The following COA1 variants were observed in gnomAD, a reference collection of about 807,000 sequenced individuals.
The protein encoded by COA1 is cytochrome c oxidase assembly factor 1 homolog.
COA1 carries 13 observed loss-of-function variants against 16.0 expected under a neutral mutation model. The ratio of observed to expected loss-of-function variants is 0.81; its 90% CI spans 0.53 to 1.29. The LOEUF is 1.29. Among genes scored for constraint, COA1 ranks in the 50% most tolerant of loss-of-function variants. The pLI, the probability that COA1 is intolerant of heterozygous loss-of-function variation, is 0.00. For synonymous variants in COA1, 65 were observed against 65.7 expected, an observed-to-expected ratio of 0.99 and a Z score of 0.05; for missense variants, 179 against 177.0, an observed-to-expected ratio of 1.01 and a Z score of -0.06.
intron 1 of COA1, among the ~76,000 whole-genome samples, chr7:43,685,263 A>C (rs2093970375): frequency 6.6e-6 from 1 of 152,126 alleles, no homozygotes; most frequent in South Asian, 2.1e-4. Flanking sequence ...AATCATTGTA[A>C]ATGCTCTGGA....
intron 1 of COA1, among the ~76,000 whole-genome samples, chr7:43,690,620 C>T (rs1357201170): frequency 6.6e-6 from 1 of 152,084 alleles, no homozygotes; most frequent in Non-Finnish European, 1.5e-5. Context: ...TATGTTCTCA[C>T]TCATATGTGG....
chr7:43,614,975 G>A (rs886421542), intron 6 of COA1, among the ~76,000 whole-genome samples: 1 of 152,172 alleles, frequency 6.6e-6, no homozygotes, highest in African/African-American at 2.4e-5. Context: ...AACATTCATA[G>A]AATGTACATG....
intron 1 of COA1, among the ~76,000 whole-genome samples, chr7:43,680,550 CTA>C (rs1254746100): frequency 6.6e-6 from 1 of 152,158 alleles, no homozygotes; most frequent in Non-Finnish European, 1.5e-5. Flanking sequence ...GTTTTTAAAT[CTA>C]TGAGTTTTTC....
At chr7:43,708,012 T>C (rs564596479) in intron 1 of COA1, among the ~76,000 whole-genome samples, 37 of 152,328 alleles carry the variant, frequency 2.4e-4, no homozygotes, top group Non-Finnish European at 3.7e-4. Context: ...ACTTCCAGCC[T>C]GACCAACATG....
intron 6 of COA1, among the ~76,000 whole-genome samples, chr7:43,621,540 C>T (rs1034607593): frequency 6.6e-6 from 1 of 152,146 alleles, no homozygotes; most frequent in Admixed American, 6.5e-5. Context: ...TGCAGTGGCA[C>T]CATCATAGCT....
rs1315381879 is a variant in COA1 at position 43,644,751 on chromosome 7, TAGATAGATAGGC to T, written c.264+488_264+499del. ...ATAGATAGATAGATAGATAGATAGA[TAGATAGATAGGC>T]AGGCAGGCAGGCAGGCAGGCAGGCA... On this transcript the variant is annotated intron_variant, in intron 4 of 5. Coordinates refer to ENST00000223336, the MANE Select transcript of COA1 (RefSeq NM_018224.4). 8.4e-4 allele frequency among the ~76,000 whole-genome samples: 99 copies of T among 117,486 alleles called. 1 individual carries two copies. Among genetic ancestry groups the T allele is most frequent in the African/African-American group, 1.3e-3 (35 of 27,762 alleles). The allele number at this position is 117,486 out of a possible 152,430, so 77.1% of individuals were successfully genotyped here.
chr7:43,708,781 C>G (rs182100667), intron 1 of COA1, among the ~76,000 whole-genome samples: 95 of 151,990 alleles, frequency 6.3e-4, no homozygotes, highest in African/African-American at 2.3e-3. Flanking sequence ...TGGCCTTTTT[C>G]TCACTGATTT....
intron 6 of COA1, chr7:43,623,741 C>T (rs750213145): frequency 6.2e-7 from 1 of 1,606,144 alleles, no homozygotes; most frequent in Non-Finnish European, 8.5e-7. Context: ...GTCATGCTTA[C>T]AGGAATATCA....
At chr7:43,723,772 T>C (rs1047101059) in intron 1 of COA1, among the ~76,000 whole-genome samples, 4 of 151,692 alleles carry the variant, frequency 2.6e-5, no homozygotes, top group Non-Finnish European at 4.4e-5. Context: ...ACAAAAAATA[T>C]AAAAATTAGC....
At chr7:43,656,681 C>T (rs1470070216) in intron 1 of COA1, among the ~76,000 whole-genome samples, 3 of 152,040 alleles carry the variant, frequency 2.0e-5, no homozygotes, top group South Asian at 2.1e-4. Flanking sequence ...GGCTACAGAG[C>T]GAGATTCCAT....
chr7:43,608,876 T>C (rs2082652603), exon 7 of COA1: 2 of 152,374 alleles, frequency 1.3e-5, no homozygotes, highest in African/African-American at 4.8e-5. Flanking sequence ...GCCAGGAATA[T>C]TCGAGAAGCA....
chr7:43,640,543 T>TC, intron 5 of COA1, 30 bp downstream of exon 5: 1 of 1,516,906 alleles, frequency 6.6e-7, no homozygotes, highest in Non-Finnish European at 9.1e-7. Flanking sequence ...TTCCTCCCGC[T>TC]CCCCCACTGC....
chr7:43,645,408 G>T lies in COA1; in HGVS notation c.116-9C>A, dbSNP rs771910907. On this transcript the variant is annotated splice_polypyrimidine_tract_variant and intron_variant, in intron 3 of 5. Coordinates refer to ENST00000223336, the MANE Select transcript of COA1 (RefSeq NM_018224.4). ...AGCCCTGGAATGAAACTCTAAGGAC[G>T]AAAGACACACTTATTTTCTTTATTG... 6.2e-7 allele frequency: 1 copy of T among 1,613,154 alleles called. No individual in the cohort carries two copies. The highest frequency in any genetic ancestry group is 2.2e-5 in the East Asian group (1 of 44,876).
chr7:43,705,164 T>A (rs1160054600), intron 1 of COA1, among the ~76,000 whole-genome samples: 1 of 152,170 alleles, frequency 6.6e-6, no homozygotes, highest in Non-Finnish European at 1.5e-5. Flanking sequence ...TGAGGTTAAG[T>A]ACCTACTGCT....
chr7:43,663,687 A>ACAC (rs34121130), intron 1 of COA1, among the ~76,000 whole-genome samples: 2 of 129,262 alleles, frequency 1.5e-5, no homozygotes, highest in Non-Finnish European at 3.4e-5. Flanking sequence ...AAAAAAAAAA[A>ACAC]ACACACACAC....
chr7:43,624,925 T>TTATCCAGTGGTTATCC, intron 6 of COA1: 1 of 1,222,118 alleles, frequency 8.2e-7, no homozygotes, highest in African/African-American at 1.5e-5. Context: ...ATGGTACATG[T>TTATCCAGTGGTTATCC]ACTGGAAGTG....
At chr7:43,646,751 T>C in intron 3 of COA1, 1 of 387,974 alleles carries the variant, frequency 2.6e-6, no homozygotes, top group Non-Finnish European at 5.3e-6. Flanking sequence ...ACTCTGCAAC[T>C]CCACCAACTC....
rs143914362 is a variant in COA1, at chr7:43,659,019, T to G, written c.-38-10367A>C. On this transcript the variant is annotated intron_variant, in intron 1 of 5. Coordinates refer to ENST00000223336, the MANE Select transcript of COA1 (RefSeq NM_018224.4). ...GATGCTGAAGGTTTCAATCAGGAAA[T>G]GACACAGTATGACTTGCTTTTTGTT... 3.9e-5 allele frequency: 6 copies of G among 152,362 alleles called. No homozygotes were observed. In the East Asian group the frequency reaches 1.2e-3, roughly 29 times the overall value. The allele number at this position is 152,362 out of a possible 1,614,324, so 9.4% of individuals were successfully genotyped here.
chr7:43,688,838 C>A (rs186478907), intron 1 of COA1, among the ~76,000 whole-genome samples: 1 of 152,162 alleles, frequency 6.6e-6, no homozygotes, highest in Non-Finnish European at 1.5e-5. Context: ...ATAATACTTT[C>A]TAGAATTTTC....
Sources: gnomAD v4.1 joint callset for allele counts (sites outside exome capture counted in the v4.1 genomes callset) on GRCh38, gnomAD v4.1.1 for gene constraint, MANE v1.5 for transcripts, NCBI Gene and HGNC (gene_info 2026-07-23, HGNC 2026-07-21) for gene names.